The following IRGM variants were observed in gnomAD, a reference collection of about 807,000 sequenced individuals.
IRGM encodes the protein immunity-related GTPase family M protein.
For synonymous variants in IRGM, 98 were observed against 80.6 expected (o/e 1.22, Z -1.16); for missense variants, 288 against 219.9 (o/e 1.31, Z -1.96).
chr5:150,854,731 C>CT (rs1754027986), intron 1 of IRGM, among the ~76,000 whole-genome samples: 1 of 152,194 alleles, frequency 6.6e-6, no homozygotes, highest in African/African-American at 2.4e-5. Flanking sequence ...TCGCTTGCTG[C>CT]TTTTAAGATT....
Position 150,897,941 on chromosome 5 carries a change from CTTG to C in IRGM, c.*141-2644_*141-2642del. The C allele has an allele frequency of 3.3e-6, 4 of 1,217,324 alleles. No individual in the cohort carries two copies. In the South Asian group the frequency reaches 4.6e-5, roughly 14 times the overall value. The allele number at this position is 1,217,324 out of a possible 1,614,324, so 75.4% of individuals were successfully genotyped here. A position where few individuals can be genotyped will look rare whatever the true frequency, so the allele number is the denominator to read the frequency against. The stretch of plus-strand genomic sequence containing the variant: ...ACTCCTCTGAAAGGCTTCACAATTA[CTTG>C]TTGAGTGACTACTAAATTCTCAGCA... On this transcript the variant is annotated intron_variant and NMD_transcript_variant, in intron 3 of 3. Transcript: ENST00000520549.
At chr5:150,879,340 C>T (rs1189292321) in intron 2 of IRGM, among the ~76,000 whole-genome samples, 1 of 152,150 alleles carries the variant, frequency 6.6e-6, no homozygotes, top group Non-Finnish European at 1.5e-5. Context: ...CAGTGTCAAT[C>T]AGAAAAATTA....
intron 1 of IRGM, among the ~76,000 whole-genome samples, chr5:150,855,599 T>G (rs963805033): frequency 6.6e-6 from 1 of 152,192 alleles, no homozygotes; most frequent in Non-Finnish European, 1.5e-5. Context: ...GTCAGCGTAC[T>G]AGGTCTGATT....
At chr5:150,876,998 T>C (rs866416761) in intron 1 of IRGM, among the ~76,000 whole-genome samples, 11 of 152,224 alleles carry the variant, frequency 7.2e-5, no homozygotes. Flanking sequence ...TTAAGCGTTG[T>C]TAATTTTATG....
At chr5:150,855,604 C>T (rs1282554803) in intron 1 of IRGM, among the ~76,000 whole-genome samples, 1 of 152,138 alleles carries the variant, frequency 6.6e-6, no homozygotes, top group African/African-American at 2.4e-5. Context: ...CGTACTAGGT[C>T]TGATTTTCCA....
intron 1 of IRGM, among the ~76,000 whole-genome samples, chr5:150,870,655 C>T (rs1366529914): frequency 6.6e-6 from 1 of 151,642 alleles, no homozygotes; most frequent in African/African-American, 2.4e-5. Flanking sequence ...TTTTCCTGGT[C>T]CTAGGATGGT....
chr5:150,896,974 C>G, intron 3 of IRGM: 1 of 1,598,478 alleles, frequency 6.3e-7, no homozygotes, highest in Non-Finnish European at 8.5e-7. Context: ...CTCTTCCTGT[C>G]TAAAAGAAGA....
rs577641825 is a variant in IRGM at position 150,898,632 on chromosome 5, A to G, written c.*141-1957A>G. ...CTATAATGTGCACAACTACATCCAC[A>G]CCTAGTTTTGTATAATAGTTTTTGG... On this transcript the variant is annotated intron_variant and NMD_transcript_variant, in intron 3 of 3. Transcript: ENST00000520549. 24 of 1,435,756 alleles carry G rather than the reference A, an allele frequency of 1.7e-5. No individual in the cohort carries two copies. The South Asian group carries it at 3.2e-4, about 19-fold the overall frequency. The allele number at this position is 1,435,756 out of a possible 1,614,324, so 88.9% of individuals were successfully genotyped here. A position where few individuals can be genotyped will look rare whatever the true frequency, so the allele number is the denominator to read the frequency against.
intron 1 of IRGM, among the ~76,000 whole-genome samples, chr5:150,864,737 A>G (rs1012505524): frequency 1.2e-4 from 18 of 152,214 alleles, no homozygotes; most frequent in African/African-American, 3.9e-4. Context: ...TATTCTGTAC[A>G]TTGGCTTTGA....
Position 150,847,103 on chromosome 5 carries a change from AGTT to A in IRGM, c.-531_-529del, listed in dbSNP as rs1179688827. ...GCTGTCTCCTCCTCTCCCTCACTTCAGTTGGGCCCAACATGACAGTCTTAATGG... is the reference window on the plus strand; with the variant it reads ...GCTGTCTCCTCCTCTCCCTCACTTCAGGGCCCAACATGACAGTCTTAATGG... On this transcript the variant is annotated 5_prime_UTR_variant, in exon 1 of 2. Coordinates refer to ENST00000522154, the MANE Select transcript of IRGM (RefSeq NM_001145805.2). 2.0e-5 allele frequency: 3 copies of A among 152,322 alleles called. No homozygotes were observed. Among genetic ancestry groups the A allele is most frequent in the African/African-American group, 7.2e-5 (3 of 41,424 alleles). 9.4% of individuals were successfully genotyped at this position (152,322 alleles called of 1,614,324 possible). A position where few individuals can be genotyped will look rare whatever the true frequency, so the allele number is the denominator to read the frequency against.
At chr5:150,858,834 G>A (rs1202670660) in intron 1 of IRGM, among the ~76,000 whole-genome samples, 1 of 152,208 alleles carries the variant, frequency 6.6e-6, no homozygotes, top group Non-Finnish European at 1.5e-5. Context: ...GGGCTGAGAT[G>A]ATGGGGTTTT....
intron 3 of IRGM, among the ~76,000 whole-genome samples, chr5:150,893,000 C>T (rs115800274): frequency 1.2e-4 from 18 of 151,904 alleles, no homozygotes; most frequent in Non-Finnish European, 2.1e-4. Context: ...TAGATCACAG[C>T]GTTTTTTTAT....
chr5:150,859,555 C>G (rs945036895), intron 1 of IRGM, among the ~76,000 whole-genome samples: 24 of 152,082 alleles, frequency 1.6e-4, no homozygotes, highest in Non-Finnish European at 3.2e-4. Context: ...TCCATCTGGT[C>G]CTGGACTTTT....
intron 1 of IRGM, among the ~76,000 whole-genome samples, chr5:150,858,938 C>G (rs1259143426): frequency 6.6e-6 from 1 of 152,174 alleles, no homozygotes; most frequent in Non-Finnish European, 1.5e-5. Flanking sequence ...TGCCTGACTG[C>G]CCTGGCCAGA....
At chr5:150,883,563 C>T (rs1754475626) in intron 3 of IRGM, among the ~76,000 whole-genome samples, 1 of 151,824 alleles carries the variant, frequency 6.6e-6, no homozygotes, top group Admixed American at 6.6e-5. Context: ...ACCTGAAATA[C>T]ATTACATTAC....
intron 3 of IRGM, chr5:150,895,660 C>G (rs1754732408): frequency 6.2e-7 from 1 of 1,613,098 alleles, no homozygotes; most frequent in African/African-American, 1.3e-5. Flanking sequence ...AAGGCTTTCC[C>G]ACATTCAGTA....
Position 150,848,223 on chromosome 5 carries a change from G to A in IRGM, c.100G>A (p.Val34Ile), listed in dbSNP as rs1377693714. 8.4e-6 allele frequency: 13 copies of A among 1,551,826 alleles called. No homozygotes were observed. Among genetic ancestry groups the A allele is most frequent in the Non-Finnish European group, 1.1e-5 (13 of 1,146,974 alleles). ...ETLKIVSRTP[V>I]NITMAGDSGN... ...TCTGAAGATAGTGTCCAGGACACCA[G>A]TTAACATCACTATGGCAGGGGACTC... is the stretch of plus-strand genomic sequence containing the variant. Residue 34 changes from valine (V) to isoleucine (I), a missense_variant, in exon 2 of 2, where the codon GTT becomes ATT. Transcript: ENST00000522154.
chr5:150,897,488 C>T, intron 3 of IRGM: 1 of 155,250 alleles, frequency 6.4e-6, no homozygotes, highest in Non-Finnish European at 1.4e-5. Flanking sequence ...AATTCCACTA[C>T]TCCCAATAAA....
intron 3 of IRGM, chr5:150,896,031 T>C: frequency 6.2e-7 from 1 of 1,610,944 alleles, no homozygotes; most frequent in Non-Finnish European, 8.5e-7. Flanking sequence ...CTCTCCAGTA[T>C]GAGCTCTGTG....
Sources: allele counts gnomAD v4.1 joint callset (sites outside exome capture counted in the v4.1 genomes callset), GRCh38; gene constraint gnomAD v4.1.1; transcripts MANE v1.5; gene names NCBI Gene and HGNC (gene_info 2026-07-23, HGNC 2026-07-21).